PTAR1: variants seen among roughly 807,000 people sequenced by gnomAD.
PTAR1 encodes protein prenyltransferase alpha subunit repeat containing 1, also known as protein prenyltransferase alpha subunit repeat-containing protein 1.
A neutral mutation model predicts 45.5 loss-of-function variants in PTAR1; 17 were observed. That is an observed-to-expected ratio of 0.37 (90% CI 0.26 to 0.56). PTAR1 has a LOEUF of 0.56. Ranked by LOEUF, PTAR1 falls within the 20% of genes least tolerant of loss-of-function variation. PTAR1 has a pLI of 0.77. For synonymous variants in PTAR1, 169 were observed against 171.3 expected, an observed-to-expected ratio of 0.99 and a Z score of 0.11; for missense variants, 391 against 476.3, an observed-to-expected ratio of 0.82 and a Z score of 1.67.
At chr9:69,759,783 G>C (rs1232138515) in intron 1 of PTAR1, 70 bp downstream of exon 1, 11 of 1,405,404 alleles carry the variant, frequency 7.8e-6, no homozygotes, top group African/African-American at 1.6e-5. Context: ...GCCCGAGGTC[G>C]GGTGGACGCT....
intron 4 of PTAR1, 35 bp downstream of exon 4, chr9:69,734,115 C>G (rs779479044): frequency 7.0e-6 from 8 of 1,142,234 alleles, no homozygotes; most frequent in Admixed American, 1.7e-5. Context: ...AGTCTGAATC[C>G]TAAGTAAGAG....
intron 5 of PTAR1, among the ~76,000 whole-genome samples, chr9:69,727,239 C>T (rs529875505): frequency 6.6e-6 from 1 of 152,138 alleles, no homozygotes; most frequent in Admixed American, 6.6e-5. Context: ...ACAGTAATTA[C>T]CATGTTCTAC....
chr9:69,715,586 GA>G lies in PTAR1; in HGVS notation c.*2755del. The G allele has an allele frequency of 6.6e-6, 1 of 152,150 alleles. No individual in the cohort carries two copies. Among genetic ancestry groups the G allele is most frequent in the Admixed American group, 6.6e-5 (1 of 15,262 alleles). 9.4% of individuals were successfully genotyped at this position (152,150 alleles called of 1,614,324 possible). A position where few individuals can be genotyped will look rare whatever the true frequency, so the allele number is the denominator to read the frequency against. Reference sequence around the variant, plus strand: ...TAGGATGACCCACTGTTCTTCCAGTGAAAGTTTAATGAAATATGTGTCAATA... The same window carrying G: ...TAGGATGACCCACTGTTCTTCCAGTGAAGTTTAATGAAATATGTGTCAATA... On this transcript the variant is annotated 3_prime_UTR_variant, in exon 8 of 8. Transcript: ENST00000340434.
rs1236330137 is a variant in PTAR1, at chr9:69,716,480, G to C, written c.*1862C>G. 2 of 152,032 alleles carry C rather than the reference G, an allele frequency of 1.3e-5. No individual in the cohort carries two copies. Among genetic ancestry groups the C allele is most frequent in the Admixed American group, 1.3e-4 (2 of 15,248 alleles). 9.4% of individuals were successfully genotyped at this position (152,032 alleles called of 1,614,324 possible). On this transcript the variant is annotated 3_prime_UTR_variant, in exon 8 of 8. Transcript: ENST00000340434. ...TGGGGCCAGGCTAGACAACTTTTCT[G>C]GCGTTCTTAAGTCTCAACTCACTTC...
chr9:69,714,521 C>A lies in PTAR1; in HGVS notation c.*3821G>T, dbSNP rs1037191401. 2 of 152,026 alleles carry A rather than the reference C, an allele frequency of 1.3e-5. No individual in the cohort carries two copies. The highest frequency in any genetic ancestry group is 4.8e-5 in the African/African-American group (2 of 41,408). The allele number at this position is 152,026 out of a possible 1,614,324, so 9.4% of individuals were successfully genotyped here. A position where few individuals can be genotyped will look rare whatever the true frequency, so the allele number is the denominator to read the frequency against. The stretch of plus-strand genomic sequence containing the variant: ...ATACTAAAAATTCCTTTTACACACA[C>A]ATACATGTGTGTGTGGCCCAACAAG... On this transcript the variant is annotated 3_prime_UTR_variant, in exon 8 of 8. Coordinates refer to ENST00000340434, the MANE Select transcript of PTAR1 (RefSeq NM_001099666.2).
At chr9:69,732,878 T>C (rs1825604411) in intron 4 of PTAR1, among the ~76,000 whole-genome samples, 1 of 152,226 alleles carries the variant, frequency 6.6e-6, no homozygotes, top group Admixed American at 6.5e-5. Flanking sequence ...TATAATTCAT[T>C]AAACCATTAA....
chr9:69,732,528 A>G (rs186402235), intron 4 of PTAR1, among the ~76,000 whole-genome samples, 176 bp from the exon 5 acceptor site: 11 of 152,208 alleles, frequency 7.2e-5, no homozygotes, highest in Non-Finnish European at 1.2e-4. Context: ...TTATGATGAT[A>G]CTAATTTAGC....
In PTAR1 at chr9:69,717,485, G is replaced by GT. The variant is rs1824775222; in HGVS notation, c.*856dup. ...TGCAATTACATAAACTCTTAAGTTA[G>GT]TTTTTTCTTAAATAACCATTTAAAA... is the stretch of plus-strand genomic sequence containing the variant. On this transcript the variant is annotated 3_prime_UTR_variant, in exon 8 of 8. Transcript: ENST00000340434. 6.6e-6 allele frequency: 1 copy of GT among 152,018 alleles called. No homozygotes were observed. 9.4% of individuals were successfully genotyped at this position (152,018 alleles called of 1,614,324 possible). A position where few individuals can be genotyped will look rare whatever the true frequency, so the allele number is the denominator to read the frequency against.
chr9:69,739,167 G>C, intron 3 of PTAR1, among the ~76,000 whole-genome samples: 1 of 152,062 alleles, frequency 6.6e-6, no homozygotes, highest in East Asian at 1.9e-4. Context: ...ACTTGCTCAG[G>C]TTTCTTAGCT....
Position 69,732,155 on chromosome 9 carries a change from G to A in PTAR1, c.626C>T (p.Ala209Val), listed in dbSNP as rs370720259. 1.2e-6 allele frequency: 2 copies of A among 1,612,288 alleles called. No homozygotes were observed. Among genetic ancestry groups the A allele is most frequent in the African/African-American group, 2.7e-5 (2 of 74,890 alleles). The change falls in exon 5 of 8, where the codon GCC becomes GTC. Residue 209 changes from alanine (A) to valine (V), a missense_variant. Physicochemically the swap from Ala to Val is moderately conservative, Grantham distance 64. Coordinates refer to ENST00000340434, the MANE Select transcript of PTAR1 (RefSeq NM_001099666.2). ...TATTCCTACCTTGACATCTAGCTTG[G>A]CCAAGTGCTGTAAAACCCAGATGCG... is the stretch of plus-strand genomic sequence containing the variant. ...SHRIWVLQHL[A>V]KLDVKILLDE... is the part of the protein sequence containing the mutation.
chr9:69,749,691 A>C (rs1826438129), intron 2 of PTAR1, among the ~76,000 whole-genome samples: 1 of 152,124 alleles, frequency 6.6e-6, no homozygotes, highest in African/African-American at 2.4e-5. Context: ...TAACCAATTA[A>C]TGACAGTATG....
rs1042097559 is a variant in PTAR1 at position 69,717,338 on chromosome 9, T to C, written c.*1004A>G. Reference sequence around the variant, plus strand: ...ATTAAAAAGTAGTAATAGCTAAAAATGGCATTCCAGGTTTTCAGGAAAAAA... The same window carrying C: ...ATTAAAAAGTAGTAATAGCTAAAAACGGCATTCCAGGTTTTCAGGAAAAAA... On this transcript the variant is annotated 3_prime_UTR_variant, in exon 8 of 8. Coordinates refer to ENST00000340434, the MANE Select transcript of PTAR1 (RefSeq NM_001099666.2). 3.9e-5 allele frequency: 6 copies of C among 152,150 alleles called. No homozygotes were observed. The highest frequency in any genetic ancestry group is 7.2e-5 in the African/African-American group (3 of 41,454). The allele number at this position is 152,150 out of a possible 1,614,324, so 9.4% of individuals were successfully genotyped here.
intron 1 of PTAR1, among the ~76,000 whole-genome samples, chr9:69,759,440 C>T (rs60559510): frequency 0.052 from 7,878 of 152,154 alleles, 267 homozygotes; most frequent in East Asian, 0.2. Context: ...TCGGTTACCC[C>T]CTCTTGCCAA....
intron 5 of PTAR1, among the ~76,000 whole-genome samples, chr9:69,728,198 G>T (rs901522873): frequency 6.6e-6 from 1 of 151,916 alleles, no homozygotes; most frequent in African/African-American, 2.4e-5. Context: ...CTCAGGTGAG[G>T]TATTATTTTT....
In PTAR1 at chr9:69,734,242, G is replaced by C; in HGVS notation, c.336C>G (p.Ile112Met). ...TTAWNVRKEL[I>M]LSGTLNPIKD... Reference sequence around the variant, plus strand: ...TAATTGGATTTAAAGTGCCAGAGAGGATCAGCTCTTTCCTGTAAAAAAAAA... The same window carrying C: ...TAATTGGATTTAAAGTGCCAGAGAGCATCAGCTCTTTCCTGTAAAAAAAAA... The change falls in exon 4 of 8, where the codon ATC becomes ATG. Residue 112 changes from isoleucine to methionine, a missense_variant. Transcript: ENST00000340434. The C allele has an allele frequency of 1.4e-6, 1 of 712,642 alleles. No homozygotes were observed. Among genetic ancestry groups the C allele is most frequent in the Non-Finnish European group, 2.3e-6 (1 of 436,168 alleles). 44.1% of individuals were successfully genotyped at this position (712,642 alleles called of 1,614,324 possible). A position where few individuals can be genotyped will look rare whatever the true frequency, so the allele number is the denominator to read the frequency against.
intron 1 of PTAR1, among the ~76,000 whole-genome samples, chr9:69,751,346 A>C (rs1228144513): frequency 6.6e-6 from 1 of 152,108 alleles, no homozygotes. Flanking sequence ...GACTAGTAAA[A>C]AAAAAAGGCC....
At chr9:69,724,548 C>T (rs1437412756) in intron 5 of PTAR1, among the ~76,000 whole-genome samples, 1 of 152,174 alleles carries the variant, frequency 6.6e-6, no homozygotes. Context: ...GACACCTTTA[C>T]CTGTTTGTCA....
intron 3 of PTAR1, among the ~76,000 whole-genome samples, chr9:69,737,590 A>C (rs1825848954): frequency 6.6e-6 from 1 of 152,206 alleles, no homozygotes; most frequent in South Asian, 2.1e-4. Context: ...TGAGGCATGT[A>C]AGGTGTTTGA....
rs74453264 is a variant in PTAR1 at position 69,716,664 on chromosome 9, A to G, written c.*1678T>C. On this transcript the variant is annotated 3_prime_UTR_variant, in exon 8 of 8. Coordinates refer to ENST00000340434, the MANE Select transcript of PTAR1 (RefSeq NM_001099666.2). ...TCCCCACTTTACAAATTACCTAGCAAGTAAAAAGAACAACAGGCAAAGCAT... is the reference window on the plus strand; with the variant it reads ...TCCCCACTTTACAAATTACCTAGCAGGTAAAAAGAACAACAGGCAAAGCAT... The G allele has an allele frequency of 3.9e-5, 6 of 152,296 alleles. No homozygotes were observed. In the East Asian group the frequency reaches 1.2e-3, roughly 29 times the overall value. The allele number at this position is 152,296 out of a possible 1,614,324, so 9.4% of individuals were successfully genotyped here. A position where few individuals can be genotyped will look rare whatever the true frequency, so the allele number is the denominator to read the frequency against.
Sources: gnomAD v4.1 joint callset for allele counts (sites outside exome capture counted in the v4.1 genomes callset) on GRCh38, gnomAD v4.1.1 for gene constraint, MANE v1.5 for transcripts, NCBI Gene and HGNC (gene_info 2026-07-23, HGNC 2026-07-21) for gene names.